Variants in LIFR observed in about 807,000 individuals in gnomAD.
The protein encoded by LIFR is leukemia inhibitory factor receptor.
A neutral mutation model predicts 122.2 loss-of-function variants in LIFR; 84 were observed. The observed-to-expected ratio is 0.69, with a 90% CI of 0.58 to 0.82. The LOEUF is 0.82. Among genes scored for constraint, LIFR ranks in the 40% least tolerant of loss-of-function variants. LIFR has a pLI of 0.00. For synonymous variants in LIFR, 422 were observed against 434.7 expected (o/e 0.97, Z 0.36); for missense variants, 1,294 against 1,311.6 (o/e 0.99, Z 0.21).
intron 13 of LIFR, 33 bp from the exon 14 acceptor site, chr5:38,493,818 T>C: frequency 1.3e-6 from 2 of 1,552,518 alleles, no homozygotes; most frequent in Non-Finnish European, 1.8e-6. Context: ...TTTACTGGCA[T>C]TAAAAACAAT....
At chr5:38,587,158 C>T (rs1749776246) in intron 1 of LIFR, among the ~76,000 whole-genome samples, 1 of 152,088 alleles carries the variant, frequency 6.6e-6, no homozygotes, top group Non-Finnish European at 1.5e-5. Flanking sequence ...CCTCCTGCCC[C>T]TTACCCCTCC....
rs1004530487 is a variant in LIFR at position 38,507,661 on chromosome 5, A to C, written c.992-1029T>G. On this transcript the variant is annotated intron_variant, in intron 7 of 19. Coordinates refer to ENST00000453190, the MANE Select transcript of LIFR (RefSeq NM_001127671.2). ...TCTGTAATCATGTTTAACCATACAC[A>C]TATAGAAACTGGTATTTCCTCTCTC... 4.6e-5 allele frequency among the ~76,000 whole-genome samples: 7 copies of C among 152,162 alleles called. No individual in the cohort carries two copies. The East Asian group carries it at 1.4e-3, about 29-fold the overall frequency.
chr5:38,605,010 G>C (rs1327620529), intron 2 of LIFR, among the ~76,000 whole-genome samples: 2 of 152,142 alleles, frequency 1.3e-5, no homozygotes, highest in Non-Finnish European at 2.9e-5. Context: ...GAATGTCTGG[G>C]TTATGATAAG....
In LIFR at chr5:38,499,503, A is replaced by G. The variant is rs1460709310; in HGVS notation, c.1671+10T>C. 6.5e-7 allele frequency: 1 copy of G among 1,531,246 alleles called. No individual in the cohort carries two copies. The highest frequency in any genetic ancestry group is 9.1e-7 in the Non-Finnish European group (1 of 1,104,494). 94.9% of individuals were successfully genotyped at this position (1,531,246 alleles called of 1,614,324 possible). On this transcript the variant is annotated intron_variant, in intron 12 of 19. Coordinates refer to ENST00000453190, the MANE Select transcript of LIFR (RefSeq NM_001127671.2). ...TAATGTAAATGTTCACAGAAAAATT[A>G]GATATTTACCTTCCAATAGATTATT...
In LIFR at chr5:38,528,789, C is replaced by G; in HGVS notation, c.194G>C (p.Cys65Ser). 1 of 1,595,554 alleles carries G rather than the reference C, an allele frequency of 6.3e-7. No homozygotes were observed. Among genetic ancestry groups the G allele is most frequent in the Non-Finnish European group, 8.6e-7 (1 of 1,169,564 alleles). Residue 65 changes from cysteine to serine, a missense_variant, in exon 3 of 20, where the codon TGT becomes TCT. Transcript: ENST00000453190. Reference protein sequence around the residue: ...CVTNNLQVWNCSWKAPSGTGR... With the variant: ...CVTNNLQVWNSSWKAPSGTGR... ...TGTTCCAGAGGGTGCTTTCCAAGAA[C>G]AGTTCCACACTTGCAAATTGTTAGT... is the stretch of plus-strand genomic sequence containing the variant.
chr5:38,560,813 G>A (rs771397706), upstream of LIFR, among the ~76,000 whole-genome samples: 3 of 151,910 alleles, frequency 2.0e-5, no homozygotes, highest in African/African-American at 4.8e-5. Context: ...GGCCAGGCTG[G>A]TCTTGAACTC....
In LIFR at chr5:38,476,288, G is replaced by A. The variant is rs534046332; in HGVS notation, c.*5307C>T. On this transcript the variant is annotated 3_prime_UTR_variant, in exon 20 of 20. Coordinates refer to ENST00000453190, the MANE Select transcript of LIFR (RefSeq NM_001127671.2). Reference sequence around the variant, plus strand: ...TAAACCTAACAGTTAACTTTTCCACGTTATAAATGAAAATTGTACTACCAC... The same window carrying A: ...TAAACCTAACAGTTAACTTTTCCACATTATAAATGAAAATTGTACTACCAC... The A allele has an allele frequency of 1.5e-5, 3 of 206,742 alleles. No individual in the cohort carries two copies. Among genetic ancestry groups the A allele is most frequent in the African/African-American group, 4.6e-5 (2 of 43,816 alleles). The allele number at this position is 206,742 out of a possible 1,614,324, so 12.8% of individuals were successfully genotyped here.
chr5:38,493,357 T>C (rs1391125180), intron 14 of LIFR, among the ~76,000 whole-genome samples: 1 of 152,226 alleles, frequency 6.6e-6, no homozygotes, highest in Non-Finnish European at 1.5e-5. Flanking sequence ...AATAATACTG[T>C]CATGAACATT....
chr5:38,513,044 C>A (rs1485688873), intron 5 of LIFR, among the ~76,000 whole-genome samples: 13 of 152,088 alleles, frequency 8.5e-5, no homozygotes, highest in Admixed American at 7.9e-4. Context: ...TATTGAGGTG[C>A]TATAAAAGAT....
chr5:38,562,592 C>T (rs1748877921), intron 1 of LIFR, among the ~76,000 whole-genome samples: 1 of 152,170 alleles, frequency 6.6e-6, no homozygotes, highest in Non-Finnish European at 1.5e-5. Context: ...GAATGTATTC[C>T]TATGCTACTG....
intron 1 of LIFR, among the ~76,000 whole-genome samples, chr5:38,534,091 G>T (rs886327885): frequency 6.6e-6 from 1 of 152,136 alleles, no homozygotes; most frequent in African/African-American, 2.4e-5. Context: ...AATCACACAG[G>T]CAGTAAACAG....
chr5:38,482,139 A>C lies in LIFR; in HGVS notation c.2750T>G (p.Phe917Cys). ...NVEVLETRSAFPKIEDTEIIS... is the reference protein window; with the variant it reads ...NVEVLETRSACPKIEDTEIIS... ...TATTTCTGTATCTTCTATTTTAGGA[A>C]ATGCTGATCGAGTTTCCAGAACCTC... Residue 917 changes from phenylalanine to cysteine, a missense_variant, in exon 20 of 20, where the codon TTT (phenylalanine) becomes TGT (cysteine). Transcript: ENST00000453190. The C allele has an allele frequency of 6.3e-7, 1 of 1,584,672 alleles. No homozygotes were observed. The highest frequency in any genetic ancestry group is 2.2e-5 in the East Asian group (1 of 44,776).
chr5:38,536,059 T>C (rs1747280466), intron 1 of LIFR, among the ~76,000 whole-genome samples: 5 of 152,206 alleles, frequency 3.3e-5, no homozygotes, highest in Admixed American at 3.3e-4. Context: ...TCTTTATCTT[T>C]GGTGAAGAGA....
chr5:38,600,860 C>T lies in LIFR; in HGVS notation n.305+5345G>A, dbSNP rs12521021. ...TTTTGGGCCTGATTCTCTGGAACTG[C>T]GGGAGGAAGCTGAATGCTGGTCCAC... On this transcript the variant is annotated intron_variant and non_coding_transcript_variant, in intron 2 of 3. Coordinates refer to the LIFR transcript ENST00000507786. 4.8e-3 allele frequency among the ~76,000 whole-genome samples: 734 copies of T among 152,200 alleles called. 14 individuals carry two copies. Among genetic ancestry groups the T allele is most frequent in the Admixed American group, 0.041 (631 of 15,278 alleles).
rs60564000 is a variant in LIFR, at chr5:38,607,513, A to ACTCTCTCT, written n.203+631_203+638dup. ...CTCTCTCTCACTCTCTCTCATATGC[A>ACTCTCTCT]CTCTCTCTCTCTCTCTCTCTCTCTG... is the stretch of plus-strand genomic sequence containing the variant. On this transcript the variant is annotated intron_variant and non_coding_transcript_variant, in intron 1 of 3. Transcript: ENST00000507786. 7.0e-4 allele frequency: 104 copies of ACTCTCTCT among 147,778 alleles called. 1 individual carries two copies. Among genetic ancestry groups the ACTCTCTCT allele is most frequent in the African/African-American group, 2.5e-3 (100 of 40,108 alleles). 9.2% of individuals were successfully genotyped at this position (147,778 alleles called of 1,614,324 possible). A position where few individuals can be genotyped will look rare whatever the true frequency, so the allele number is the denominator to read the frequency against.
rs1561131386 is a variant in LIFR at position 38,484,876 on chromosome 5, G to GA, written c.2498-9dup. ...CAATAATTAATCCCACAGCTGAAACGAGAGTATTGCAAATATTAAAATCGC... is the reference window on the plus strand; with the variant it reads ...CAATAATTAATCCCACAGCTGAAACGAAGAGTATTGCAAATATTAAAATCGC... On this transcript the variant is annotated splice_polypyrimidine_tract_variant and intron_variant, in intron 17 of 19. Coordinates refer to ENST00000453190, the MANE Select transcript of LIFR (RefSeq NM_001127671.2). 1.3e-6 allele frequency: 2 copies of GA among 1,592,826 alleles called. No homozygotes were observed. The highest frequency in any genetic ancestry group is 2.2e-5 in the East Asian group (1 of 44,768).
In LIFR at chr5:38,527,296, T is replaced by G. The variant is rs201621131; in HGVS notation, c.258-2A>C. 1 of 1,563,832 alleles carries G rather than the reference T, an allele frequency of 6.4e-7. No individual in the cohort carries two copies. Among genetic ancestry groups the G allele is most frequent in the Non-Finnish European group, 8.8e-7 (1 of 1,137,338 alleles). On this transcript the variant is annotated splice_acceptor_variant, in intron 3 of 19. Transcript: ENST00000453190. LOFTEE classifies it high-confidence loss of function. ...TCCAACTGATAACAAGAACGGGACC[T>G]GTAATAAGAAATTGAATTTTAATTA...
chr5:38,527,269 T>TAATA lies in LIFR; in HGVS notation c.282_283insTATT (p.Lys95TyrfsTer2). The TAATA allele has an allele frequency of 6.3e-7, 1 of 1,592,116 alleles. No homozygotes were observed. The highest frequency in any genetic ancestry group is 8.6e-7 in the Non-Finnish European group (1 of 1,160,824). On this transcript the variant is annotated frameshift_variant, in exon 4 of 20. Transcript: ENST00000453190. LOFTEE classifies it high-confidence loss of function. ...AGAGCTGGAATTTTAATACTGGTTT[T>TAATA]CTCCAACTGATAACAAGAACGGGAC... is the stretch of plus-strand genomic sequence containing the variant.
rs971240348 is a variant in LIFR, at chr5:38,593,134, C to T, written c.-20+2127G>A. On this transcript the variant is annotated intron_variant, in intron 1 of 19. Coordinates refer to the LIFR transcript ENST00000263409. ...GGGAGAATCCCTTGAACCCAGGAGG[C>T]GGAGGTTGCGGTGAGCCGAGGTCGA... Among the ~76,000 whole-genome samples the T allele has an allele frequency of 7.2e-5, 11 of 151,884 alleles. No homozygotes were observed. In the South Asian group the frequency reaches 1.0e-3, roughly 14 times the overall value.
Sources: allele counts gnomAD v4.1 joint callset (sites outside exome capture counted in the v4.1 genomes callset), GRCh38; gene constraint gnomAD v4.1.1; transcripts MANE v1.5; gene names NCBI Gene and HGNC (gene_info 2026-07-23, HGNC 2026-07-21).